The following AUTS2 variants were observed in gnomAD, a reference collection of about 807,000 sequenced individuals.
AUTS2 encodes the protein activator of transcription and developmental regulator AUTS2, also known as autism susceptibility gene 2 protein.
Under a neutral mutation model 112.4 loss-of-function variants are expected in AUTS2, and 17 were observed. The ratio of observed to expected loss-of-function variants is 0.15; its 90% CI spans 0.10 to 0.23. The LOEUF is 0.23. AUTS2 is among the 10% of genes least tolerant of loss of function. The probability of loss-of-function intolerance (pLI) is 1.00; values close to 1 mark genes in which losing one functional copy is unlikely to be tolerated. For missense variants in AUTS2, 1,510 were observed against 1,701.6 expected, an observed-to-expected ratio of 0.89 and a Z score of 1.98; for synonymous variants, 751 against 702.7, an observed-to-expected ratio of 1.07 and a Z score of -1.09.
chr7:69,602,740 T>C (rs1277745331), intron 1 of AUTS2, among the ~76,000 whole-genome samples: 5 of 152,186 alleles, frequency 3.3e-5, no homozygotes, highest in African/African-American at 9.7e-5. Flanking sequence ...GGCCCAACTT[T>C]TGTAGGGAAG....
At chr7:70,249,803 A>AAAAT (rs1786491157) in intron 4 of AUTS2, among the ~76,000 whole-genome samples, 1 of 151,614 alleles carries the variant, frequency 6.6e-6, no homozygotes, top group Admixed American at 6.6e-5. Flanking sequence ...ATGGGACATA[A>AAAAT]AAATTTCAAG....
At chr7:69,852,870 A>C (rs372007908) in intron 1 of AUTS2, among the ~76,000 whole-genome samples, 9 of 152,176 alleles carry the variant, frequency 5.9e-5, no homozygotes, top group African/African-American at 1.4e-4. Context: ...TGTTTAAGTT[A>C]TTTTGAGGCT....
At chr7:70,297,709 C>T (rs991229803) in intron 4 of AUTS2, among the ~76,000 whole-genome samples, 1 of 152,136 alleles carries the variant, frequency 6.6e-6, no homozygotes, top group Non-Finnish European at 1.5e-5. Flanking sequence ...GTTGGGATTA[C>T]AGGCGTGAGC....
At chr7:69,714,207 G>C (rs1327597453) in intron 1 of AUTS2, among the ~76,000 whole-genome samples, 1 of 150,576 alleles carries the variant, frequency 6.6e-6, no homozygotes, top group Non-Finnish European at 1.5e-5. Context: ...GGGACTACAG[G>C]CATGCACCAA....
At chr7:70,582,970 A>G (rs1415955886) in intron 5 of AUTS2, among the ~76,000 whole-genome samples, 1 of 152,220 alleles carries the variant, frequency 6.6e-6, no homozygotes, top group East Asian at 1.9e-4. Flanking sequence ...TGGGTTAAAA[A>G]TAGGGAAGGA....
intron 5 of AUTS2, among the ~76,000 whole-genome samples, chr7:70,572,108 C>T (rs975860406): frequency 1.3e-5 from 2 of 152,140 alleles, no homozygotes; most frequent in Admixed American, 6.5e-5. Flanking sequence ...TATTGTTATG[C>T]ATTCGAGTTC....
intron 5 of AUTS2, among the ~76,000 whole-genome samples, chr7:70,497,778 T>TC (rs1281752071): frequency 6.6e-6 from 1 of 152,154 alleles, no homozygotes; most frequent in African/African-American, 2.4e-5. Flanking sequence ...CTTGGCATCT[T>TC]CCACACAGCC....
rs1192063542 is a variant in AUTS2 at position 70,010,707 on chromosome 7, T to C, written c.523-107425T>C. Among the ~76,000 whole-genome samples the C allele has an allele frequency of 3.9e-5, 6 of 152,322 alleles. No individual in the cohort carries two copies. In the East Asian group the frequency reaches 1.2e-3, roughly 29 times the overall value. On this transcript the variant is annotated intron_variant, in intron 2 of 18. Transcript: ENST00000342771. Reference sequence around the variant, plus strand: ...CCTGAATGAGGTAGGATCATAATAATATGTTTGTTATGCATCACACAAGTT... The same window carrying C: ...CCTGAATGAGGTAGGATCATAATAACATGTTTGTTATGCATCACACAAGTT...
At chr7:69,941,003 T>C (rs1284048213) in intron 2 of AUTS2, among the ~76,000 whole-genome samples, 2 of 152,198 alleles carry the variant, frequency 1.3e-5, no homozygotes, top group Non-Finnish European at 2.9e-5. Context: ...ATGGATGGCT[T>C]GTGTCATCCA....
intron 1 of AUTS2, among the ~76,000 whole-genome samples, chr7:69,845,374 G>C (rs1792150794): frequency 6.6e-6 from 1 of 152,148 alleles, no homozygotes; most frequent in Non-Finnish European, 1.5e-5. Flanking sequence ...AGAAGACCTT[G>C]ATTGGCGTAG....
intron 4 of AUTS2, among the ~76,000 whole-genome samples, chr7:70,253,507 G>A (rs1029831308): frequency 6.6e-6 from 1 of 152,162 alleles, no homozygotes; most frequent in African/African-American, 2.4e-5. Context: ...ACTGTGAATT[G>A]CTTATTTCCC....
Position 70,192,352 on chromosome 7 carries a change from C to T in AUTS2, c.660+57781C>T, listed in dbSNP as rs73705833. Among the ~76,000 whole-genome samples the T allele has an allele frequency of 3.6e-3, 554 of 152,126 alleles. 5 individuals are homozygous for T. The highest frequency in any genetic ancestry group is 0.012 in the African/African-American group (506 of 41,500). On this transcript the variant is annotated intron_variant, in intron 4 of 18. Coordinates refer to ENST00000342771, the MANE Select transcript of AUTS2 (RefSeq NM_015570.4). Reference sequence around the variant, plus strand: ...GGAAATTCATGAATTTAGTGTGGGCCCTCTAATTCTGACAAATACAATATT... The same window carrying T: ...GGAAATTCATGAATTTAGTGTGGGCTCTCTAATTCTGACAAATACAATATT...
intron 4 of AUTS2, among the ~76,000 whole-genome samples, chr7:70,425,613 A>C (rs1464827179): frequency 6.6e-6 from 1 of 152,332 alleles, no homozygotes; most frequent in East Asian, 1.9e-4. Flanking sequence ...GTCCTCAAGA[A>C]TACACTAGAC....
intron 5 of AUTS2, among the ~76,000 whole-genome samples, chr7:70,528,792 A>G (rs549174452): frequency 6.7e-6 from 1 of 149,594 alleles, no homozygotes; most frequent in Non-Finnish European, 1.5e-5. Flanking sequence ...TGGGCATCAT[A>G]GCAAGATCTC....
At chr7:70,689,698 C>A (rs912100918) in intron 5 of AUTS2, among the ~76,000 whole-genome samples, 30 of 150,046 alleles carry the variant, frequency 2.0e-4, no homozygotes, top group African/African-American at 5.7e-4. Flanking sequence ...ATGGTGTGAA[C>A]CCGGGAGGCG....
chr7:69,641,736 A>G (rs926284083), intron 1 of AUTS2, among the ~76,000 whole-genome samples: 2 of 152,208 alleles, frequency 1.3e-5, no homozygotes, highest in African/African-American at 4.8e-5. Flanking sequence ...CTGCATCATG[A>G]AGTATTCTTT....
chr7:70,388,071 T>G (rs1411318836), intron 4 of AUTS2, among the ~76,000 whole-genome samples: 1 of 152,204 alleles, frequency 6.6e-6, no homozygotes, highest in Non-Finnish European at 1.5e-5. Context: ...AATTTCTCAT[T>G]TACAGGACCT....
intron 4 of AUTS2, among the ~76,000 whole-genome samples, chr7:70,256,241 G>A (rs1408223944): frequency 1.3e-5 from 2 of 152,206 alleles, no homozygotes; most frequent in South Asian, 4.1e-4. Context: ...GGATTTTGAA[G>A]AGAGTATTGT....
intron 2 of AUTS2, among the ~76,000 whole-genome samples, chr7:69,935,144 C>T (rs764371863): frequency 6.6e-6 from 1 of 150,698 alleles, no homozygotes; most frequent in Non-Finnish European, 1.5e-5. Context: ...ATAATCACAA[C>T]CTTAATAGCT....
Sources: allele counts gnomAD v4.1 joint callset (sites outside exome capture counted in the v4.1 genomes callset), GRCh38; gene constraint gnomAD v4.1.1; transcripts MANE v1.5; gene names NCBI Gene and HGNC (gene_info 2026-07-23, HGNC 2026-07-21).